Variants in SYCP2 observed in about 807,000 individuals in gnomAD.
SYCP2 encodes synaptonemal complex lateral element protein.
Under a neutral mutation model 211.3 loss-of-function variants are expected in SYCP2, and 55 were observed. The observed-to-expected ratio is 0.26, with a 90% CI of 0.21 to 0.33. The LOEUF is 0.33. SYCP2 is among the 10% of genes least tolerant of loss of function. The pLI, the probability that SYCP2 is intolerant of heterozygous loss-of-function variation, is 1.00. For missense variants in SYCP2, 1,731 were observed against 1,752.0 expected (o/e 0.99, Z 0.21); for synonymous variants, 570 against 555.2 (o/e 1.03, Z -0.37).
intron 7 of SYCP2, among the ~76,000 whole-genome samples, chr20:59,917,982 A>G (rs1200161569): frequency 6.6e-6 from 1 of 152,214 alleles, no homozygotes; most frequent in East Asian, 1.9e-4. Flanking sequence ...TTAAAACAGT[A>G]GTGTCAAAGG....
chr20:59,931,761 A>C (rs1481572547), intron 2 of SYCP2, among the ~76,000 whole-genome samples: 1 of 152,178 alleles, frequency 6.6e-6, no homozygotes, highest in Non-Finnish European at 1.5e-5. Flanking sequence ...GGGGAAAAAC[A>C]AACCAAGGAA....
chr20:59,893,256 T>C (rs2059942940), intron 21 of SYCP2, 57 bp from the exon 22 acceptor site: 1 of 1,146,444 alleles, frequency 8.7e-7, no homozygotes, highest in Non-Finnish European at 1.3e-6. Context: ...GGCAGGGGGA[T>C]AGGGAGGTTA....
intron 23 of SYCP2, 33 bp downstream of exon 23, chr20:59,892,535 G>C (rs1169461375): frequency 5.7e-6 from 9 of 1,575,562 alleles, no homozygotes; most frequent in Non-Finnish European, 7.7e-6. Flanking sequence ...AATTAACACT[G>C]AACTATTACA....
At chr20:59,881,393 G>GAA in intron 29 of SYCP2, 44 bp downstream of exon 29, 1 of 1,006,428 alleles carries the variant, frequency 9.9e-7, no homozygotes, top group Non-Finnish European at 1.4e-6. Context: ...ATATTTAAGA[G>GAA]AAAAAAAAAG....
chr20:59,888,603 T>TC lies in SYCP2; in HGVS notation c.2365-1770dup, dbSNP rs567789715. Among the ~76,000 whole-genome samples, 84 of 152,072 alleles carry TC rather than the reference T, an allele frequency of 5.5e-4. 1 individual carries two copies. The South Asian group carries it at 0.017, about 30-fold the overall frequency. ...TAAAATCAGAAACAAAGCAAAAATG[T>TC]CCCCTCTCATTGCTTCTTTTTAACA... On this transcript the variant is annotated intron_variant, in intron 24 of 44. Transcript: ENST00000357552.
intron 2 of SYCP2, among the ~76,000 whole-genome samples, chr20:59,930,821 T>A (rs149487556): frequency 7.0e-4 from 106 of 152,264 alleles, no homozygotes; most frequent in African/African-American, 2.5e-3. Flanking sequence ...TATTTAAGAA[T>A]TTTTTAAAGA....
At position 59,932,051 on chromosome 20, in the gene SYCP2, C is replaced by T. The variant is rs895953950; in HGVS notation, c.-47+11G>A. On this transcript the variant is annotated intron_variant, in intron 2 of 44. Coordinates refer to ENST00000357552, the MANE Select transcript of SYCP2 (RefSeq NM_014258.4). ...CAGAATAATAATGTTTCAAGAGAAG[C>T]GTGGATTTACCTGACAAGTAAGCAG... 1 of 152,000 alleles carries T rather than the reference C, an allele frequency of 6.6e-6. No individual in the cohort carries two copies. The highest frequency in any genetic ancestry group is 1.5e-5 in the Non-Finnish European group (1 of 68,004). 9.4% of individuals were successfully genotyped at this position (152,000 alleles called of 1,614,324 possible). A position where few individuals can be genotyped will look rare whatever the true frequency, so the allele number is the denominator to read the frequency against.
At chr20:59,915,411 T>C in intron 9 of SYCP2, 54 bp downstream of exon 9, 1 of 1,268,794 alleles carries the variant, frequency 7.9e-7, no homozygotes, top group Non-Finnish European at 1.1e-6. Context: ...GTCTGTCTTA[T>C]AAAACATTCT....
Position 59,892,145 on chromosome 20 carries a change from G to A in SYCP2, c.2209C>T (p.Leu737=), listed in dbSNP as rs1186413934. The change falls in exon 24 of 45, where the codon CTG becomes TTG. Residue 737 remains leucine (L), a synonymous_variant. Coordinates refer to ENST00000357552, the MANE Select transcript of SYCP2 (RefSeq NM_014258.4). ...AATATGTATTTCTTCCTATATATCA[G>A]CGATTCTTCAATTGTCTTATTTAGG... ...VLLNKTIEES[L]IYRKKYILSK... The A allele has an allele frequency of 1.9e-6, 3 of 1,611,940 alleles. No homozygotes were observed. Among genetic ancestry groups the A allele is most frequent in the Non-Finnish European group, 2.5e-6 (3 of 1,178,914 alleles).
At chr20:59,898,565 G>A (rs963513437) in intron 18 of SYCP2, among the ~76,000 whole-genome samples, 5 of 152,108 alleles carry the variant, frequency 3.3e-5, no homozygotes, top group African/African-American at 1.2e-4. Context: ...CTGTTGCGGG[G>A]TGGGGGCCTA....
intron 14 of SYCP2, among the ~76,000 whole-genome samples, chr20:59,911,222 G>GT (rs1168077327): frequency 6.6e-6 from 1 of 152,072 alleles, no homozygotes; most frequent in Admixed American, 6.6e-5. Flanking sequence ...TTTTCCTCAG[G>GT]TAAAAAATAT....
intron 24 of SYCP2, among the ~76,000 whole-genome samples, chr20:59,888,112 T>A (rs1466141619): frequency 3.3e-5 from 5 of 152,024 alleles, no homozygotes; most frequent in Non-Finnish European, 7.4e-5. Flanking sequence ...TTCTCCACAA[T>A]CTTCTACAAG....
intron 6 of SYCP2, 99 bp from the exon 7 acceptor site, chr20:59,919,281 A>C: frequency 1.4e-6 from 1 of 716,626 alleles, no homozygotes; most frequent in Non-Finnish European, 2.4e-6. Flanking sequence ...ATGACAGATT[A>C]CATTTTAACT....
chr20:59,865,584 A>G lies in SYCP2; in HGVS notation c.4447T>C (p.Phe1483Leu). 13 of 1,603,068 alleles carry G rather than the reference A, an allele frequency of 8.1e-6. No individual in the cohort carries two copies. The highest frequency in any genetic ancestry group is 5.2e-5 in the Admixed American group (3 of 57,894). The change falls in exon 43 of 45, where the codon TTT (phenylalanine) becomes CTT (leucine). Residue 1483 changes from phenylalanine to leucine, a missense_variant. This residue lies in a region of SYCP2 where 1,387 missense variants were observed against 1,351.3 expected (regional missense o/e 1.03). Coordinates refer to ENST00000357552, the MANE Select transcript of SYCP2 (RefSeq NM_014258.4). ...FCNTDSEETV[F>L]TSEMCLMKED... The stretch of plus-strand genomic sequence containing the variant: ...CATAAAATTTATACCTCGGATGTAA[A>G]AACAGTTTCTTCACTATCAGTATTA...
At chr20:59,865,210 C>A (rs1031246815) in intron 44 of SYCP2, among the ~76,000 whole-genome samples, 178 bp downstream of exon 44, 5 of 151,934 alleles carry the variant, frequency 3.3e-5, no homozygotes, top group Admixed American at 6.6e-5. Context: ...GTTTAAATTA[C>A]CCCTATTCTT....
In SYCP2 at chr20:59,892,441, G is replaced by A; in HGVS notation, c.1928-15C>T. On this transcript the variant is annotated splice_polypyrimidine_tract_variant and intron_variant, in intron 23 of 44. Transcript: ENST00000357552. ...TATAACAATATCTATTGGGGAAAAT[G>A]AGAAATTAATTCTTTTTAAATTAAT... is the stretch of plus-strand genomic sequence containing the variant. 1 of 1,465,046 alleles carries A rather than the reference G, an allele frequency of 6.8e-7. No homozygotes were observed. 90.8% of individuals were successfully genotyped at this position (1,465,046 alleles called of 1,614,324 possible).
chr20:59,879,856 TATATATAC>T (rs1197751235), intron 31 of SYCP2, among the ~76,000 whole-genome samples: 85 of 114,466 alleles, frequency 7.4e-4, no homozygotes, highest in Middle Eastern at 4.5e-3. Context: ...TATATATATA[TATATATAC>T]ACACACACAC....
chr20:59,864,697 A>G (rs141372468), intron 44 of SYCP2, among the ~76,000 whole-genome samples: 1,753 of 152,118 alleles, frequency 0.012, 15 homozygotes, highest in Non-Finnish European at 0.02. Flanking sequence ...ACAAGGATCA[A>G]CCTAGTTAAG....
rs149054585 is a variant in SYCP2 at position 59,866,589 on chromosome 20, T to C, written c.4126A>G (p.Ile1376Val). ...AAATAACTCAACATTTTATGTCGGA[T>C]CTGAAAAATACTCATTTTTAAGTTA... ...LNSEFKRRNN[I>V]RHKMLSYFTT... Residue 1376 changes from isoleucine to valine, a missense_variant and splice_region_variant, in exon 40 of 45, where the codon ATC (isoleucine) becomes GTC (valine). Ile to Val is a conservative substitution (Grantham distance 29). Coordinates refer to ENST00000357552, the MANE Select transcript of SYCP2 (RefSeq NM_014258.4). 8,378 of 1,583,440 alleles carry C rather than the reference T, an allele frequency of 5.3e-3. 642 individuals are homozygous for C. The Admixed American group carries it at 0.13, about 26-fold the overall frequency.
Sources: allele counts gnomAD v4.1 joint callset (sites outside exome capture counted in the v4.1 genomes callset), GRCh38; gene constraint gnomAD v4.1.1; regional missense constraint gnomAD v4.1.1; transcripts MANE v1.5; gene names NCBI Gene and HGNC (gene_info 2026-07-23, HGNC 2026-07-21).